Variants in KRT80 observed in about 807,000 individuals in gnomAD.
The protein encoded by KRT80 is keratin, type II cytoskeletal 80.
A neutral mutation model predicts 51.5 loss-of-function variants in KRT80; 36 were observed. The ratio of observed to expected loss-of-function variants is 0.70; its 90% CI spans 0.54 to 0.92. The LOEUF (loss-of-function observed/expected upper bound fraction) is 0.92. KRT80 is among the 40% of genes least tolerant of loss of function. The pLI is 0.00. For synonymous variants in KRT80, 235 were observed against 248.3 expected (o/e 0.95, Z 0.50); for missense variants, 566 against 591.7 (o/e 0.96, Z 0.45).
intron 2 of KRT80, among the ~76,000 whole-genome samples, chr12:52,181,609 C>T (rs73103489): frequency 0.076 from 11,542 of 152,266 alleles, 554 homozygotes; most frequent in South Asian, 0.14. Flanking sequence ...ACAAACCCAC[C>T]CCTGACGCAG....
chr12:52,173,796 T>C, intron 4 of KRT80, 32 bp from the exon 5 acceptor site: 1 of 1,601,258 alleles, frequency 6.2e-7, no homozygotes, highest in Non-Finnish European at 8.5e-7. Context: ...GGCTCAGGGC[T>C]GGTGGGGAGG....
At chr12:52,189,260 G>T (rs898317580) in intron 1 of KRT80, among the ~76,000 whole-genome samples, 1 of 152,100 alleles carries the variant, frequency 6.6e-6, no homozygotes, top group Non-Finnish European at 1.5e-5. Context: ...CTGCCCATGA[G>T]TCCCTTCACT....
intron 1 of KRT80, among the ~76,000 whole-genome samples, chr12:52,191,020 G>A (rs1265822168): frequency 6.6e-6 from 1 of 152,112 alleles, no homozygotes; most frequent in Non-Finnish European, 1.5e-5. Flanking sequence ...GTTCTGACTC[G>A]AGGCATCGTC....
intron 2 of KRT80, 76 bp from the exon 3 acceptor site, chr12:52,181,039 C>T (rs1941313183): frequency 8.3e-7 from 1 of 1,203,400 alleles, no homozygotes. Context: ...GGTTGGGGCT[C>T]AGGGCCTGTG....
In KRT80 at chr12:52,171,760, G is replaced by A. The variant is rs149426180; in HGVS notation, c.1179-47C>T. The A allele has an allele frequency of 1.5e-4, 203 of 1,310,902 alleles. 1 individual carries two copies. Among genetic ancestry groups the A allele is most frequent in the South Asian group, 1.5e-3 (117 of 77,640 alleles). The allele number at this position is 1,310,902 out of a possible 1,614,324, so 81.2% of individuals were successfully genotyped here. ...GTGGGAGAGGGATATGATGGGATGC[G>A]AAGAGAGCCTGTGGCTTAAACTCCC... is the stretch of plus-strand genomic sequence containing the variant. On this transcript the variant is annotated intron_variant, in intron 7 of 8. Coordinates refer to ENST00000394815, the MANE Select transcript of KRT80 (RefSeq NM_182507.3).
intron 1 of KRT80, among the ~76,000 whole-genome samples, chr12:52,187,880 C>T (rs1941429020): frequency 6.6e-6 from 1 of 152,168 alleles, no homozygotes; most frequent in Non-Finnish European, 1.5e-5. Flanking sequence ...CCTTCCTCCA[C>T]CCATGAGCAG....
In KRT80 at chr12:52,170,178, TG is replaced by T. The variant is rs1565689235; in HGVS notation, c.*1219del. ...GTAGAACCCTTGTAAGGCTGTCATT[TG>T]GGCCCCACAGCTGGACCTCAAGGGC... On this transcript the variant is annotated 3_prime_UTR_variant, in exon 9 of 9. Coordinates refer to ENST00000394815, the MANE Select transcript of KRT80 (RefSeq NM_182507.3). 1.3e-5 allele frequency: 2 copies of T among 152,524 alleles called. No individual in the cohort carries two copies. 9.4% of individuals were successfully genotyped at this position (152,524 alleles called of 1,614,324 possible).
rs749016538 is a variant in KRT80 at position 52,172,339 on chromosome 12, G to C, written c.1037C>G (p.Ala346Gly). The part of the protein sequence containing the change: ...LAFQDAKTKL[A>G]QLEAALQQAK... ...CTGCTGCAGGGCGGCCTCCAGCTGG[G>C]CCAGCTTGGTCTTGGCATCCTGGAA... Residue 346 changes from alanine (A) to glycine (G), a missense_variant, in exon 7 of 9, where the codon GCC becomes GGC. Ala to Gly is a moderately conservative substitution (Grantham distance 60, BLOSUM62 0). Coordinates refer to ENST00000394815, the MANE Select transcript of KRT80 (RefSeq NM_182507.3). The C allele has an allele frequency of 1.9e-6, 3 of 1,614,040 alleles. No homozygotes were observed. The highest frequency in any genetic ancestry group is 1.7e-5 in the Admixed American group (1 of 59,994).
intron 2 of KRT80, among the ~76,000 whole-genome samples, chr12:52,184,342 G>C (rs952332366): frequency 9.9e-5 from 15 of 152,162 alleles, no homozygotes; most frequent in Admixed American, 2.0e-4. Context: ...TCTGCCCCAG[G>C]CTCCTTGTTC....
chr12:52,191,829 C>G lies in KRT80; in HGVS notation c.74G>C (p.Arg25Pro). Residue 25 changes from arginine (R) to proline (P), a missense_variant, in exon 1 of 9, where the codon CGG (arginine) becomes CCG (proline). By Grantham distance (103) the Arg-to-Pro change is moderately radical. Coordinates refer to ENST00000394815, the MANE Select transcript of KRT80 (RefSeq NM_182507.3). ...SCEVTPVGSP[R>P]PGTSGWDSCR... ...GCTGTCCCATCCTGAGGTTCCAGGC[C>G]GGGGGCTGCCCACCGGGGTCACCTC... The G allele has an allele frequency of 6.3e-7, 1 of 1,587,930 alleles. No individual in the cohort carries two copies. The highest frequency in any genetic ancestry group is 1.1e-5 in the South Asian group (1 of 89,064).
rs1941069067 is a variant in KRT80 at position 52,170,475 on chromosome 12, C to T, written c.*923G>A. The T allele has an allele frequency of 6.6e-6, 1 of 152,328 alleles. No homozygotes were observed. Among genetic ancestry groups the T allele is most frequent in the Non-Finnish European group, 1.5e-5 (1 of 68,164 alleles). The allele number at this position is 152,328 out of a possible 1,614,324, so 9.4% of individuals were successfully genotyped here. On this transcript the variant is annotated 3_prime_UTR_variant, in exon 9 of 9. Transcript: ENST00000394815. ...ACGGCAGGGGTGGGACCAGGGGTCT[C>T]CAAGGCCTGGTGCACCAAAGCCCGG...
chr12:52,185,710 A>G, intron 1 of KRT80, 123 bp from the exon 2 acceptor site: 1 of 1,523,972 alleles, frequency 6.6e-7, no homozygotes. Flanking sequence ...TATGCACACC[A>G]CCCAGGGCGC....
intron 4 of KRT80, among the ~76,000 whole-genome samples, 158 bp from the exon 5 acceptor site, chr12:52,173,922 C>G (rs897290566): frequency 2.6e-5 from 4 of 152,230 alleles, no homozygotes; most frequent in Admixed American, 2.6e-4. Context: ...CTCCCTGCCA[C>G]GTCTCCCCAG....
intron 7 of KRT80, 54 bp from the exon 8 acceptor site, chr12:52,171,767 G>C: frequency 1.6e-6 from 2 of 1,278,110 alleles, no homozygotes; most frequent in Non-Finnish European, 2.2e-6. Flanking sequence ...TGCGAAGAGA[G>C]CCTGTGGCTT....
At chr12:52,181,427 C>A (rs896605415) in intron 2 of KRT80, among the ~76,000 whole-genome samples, 1 of 152,170 alleles carries the variant, frequency 6.6e-6, no homozygotes, top group Non-Finnish European at 1.5e-5. Flanking sequence ...CTCTGCTTTG[C>A]GAGCCAGTAG....
intron 4 of KRT80, among the ~76,000 whole-genome samples, chr12:52,179,819 T>C (rs1941291421): frequency 6.6e-6 from 1 of 152,168 alleles, no homozygotes; most frequent in South Asian, 2.1e-4. Context: ...GAAGGGACTT[T>C]AGCTCAGGAG....
At chr12:52,185,963 C>A (rs1193622639) in intron 1 of KRT80, among the ~76,000 whole-genome samples, 1 of 152,026 alleles carries the variant, frequency 6.6e-6, no homozygotes, top group Non-Finnish European at 1.5e-5. Context: ...TATCTGCCCC[C>A]TTGCCACCAC....
chr12:52,173,166 G>A lies in KRT80; in HGVS notation c.832-3C>T, dbSNP rs1429716354. 4 of 1,603,446 alleles carry A rather than the reference G, an allele frequency of 2.5e-6. No homozygotes were observed. Among genetic ancestry groups the A allele is most frequent in the Admixed American group, 3.4e-5 (2 of 59,082 alleles). On this transcript the variant is annotated splice_region_variant and splice_polypyrimidine_tract_variant and intron_variant, in intron 5 of 8. Coordinates refer to ENST00000394815, the MANE Select transcript of KRT80 (RefSeq NM_182507.3). Reference sequence around the variant, plus strand: ...GAGCGGGCGGCCTGCTCCTCCAGCTGGAGGTACATGGAGGTCTCAGTGAGG... The same window carrying A: ...GAGCGGGCGGCCTGCTCCTCCAGCTAGAGGTACATGGAGGTCTCAGTGAGG...
chr12:52,180,183 A>G (rs1941295033), intron 4 of KRT80, among the ~76,000 whole-genome samples: 1 of 152,222 alleles, frequency 6.6e-6, no homozygotes, highest in African/African-American at 2.4e-5. Flanking sequence ...CCTGGGTTCC[A>G]TGCCACTGAG....
Sources: gnomAD v4.1 joint callset for allele counts (sites outside exome capture counted in the v4.1 genomes callset) on GRCh38, gnomAD v4.1.1 for gene constraint, MANE v1.5 for transcripts, NCBI Gene and HGNC (gene_info 2026-07-23, HGNC 2026-07-21) for gene names.